CCDC146: variants seen among roughly 807,000 people sequenced by gnomAD.
CCDC146 encodes coiled-coil domain-containing protein 146.
A neutral mutation model predicts 119.3 loss-of-function variants in CCDC146; 92 were observed. That is an observed-to-expected ratio of 0.77 (90% CI 0.65 to 0.92). The LOEUF is 0.92. Ranked by LOEUF, CCDC146 falls within the 40% of genes least tolerant of loss-of-function variation. CCDC146 has a pLI of 0.00. For missense variants in CCDC146, 1,000 were observed against 1,103.0 expected (o/e 0.91, Z 1.32); for synonymous variants, 372 against 371.8 (o/e 1.00, Z -0.01).
chr7:77,242,065 A>C (rs1283217822), intron 4 of CCDC146, among the ~76,000 whole-genome samples, 165 bp downstream of exon 4: 2 of 152,250 alleles, frequency 1.3e-5, no homozygotes, highest in Admixed American at 1.3e-4. Flanking sequence ...TTCCCTGAAC[A>C]AGAAAGTTAC....
At chr7:77,257,650 C>T (rs1793206233) in intron 6 of CCDC146, among the ~76,000 whole-genome samples, 5 of 152,214 alleles carry the variant, frequency 3.3e-5, no homozygotes, top group Admixed American at 3.3e-4. Flanking sequence ...ATTTGATCTG[C>T]CCCAGGACTG....
At chr7:77,161,454 G>T (rs9801498) in intron 1 of CCDC146, among the ~76,000 whole-genome samples, 19,031 of 151,836 alleles carry the variant, frequency 0.13, 1,777 homozygotes, top group Non-Finnish European at 0.18. Context: ...ATACTATGCA[G>T]CCATAAAAAA....
intron 1 of CCDC146, among the ~76,000 whole-genome samples, chr7:77,166,831 T>C (rs1230782654): frequency 6.6e-6 from 1 of 152,210 alleles, no homozygotes; most frequent in Admixed American, 6.5e-5. Flanking sequence ...TGGGTCACCC[T>C]GCCAATATGA....
At chr7:77,193,844 A>T (rs1791815608) in intron 2 of CCDC146, 2 of 152,588 alleles carry the variant, frequency 1.3e-5, no homozygotes, top group Non-Finnish European at 2.9e-5. Flanking sequence ...CAAGATTCTA[A>T]TGTTTGTAAA....
chr7:77,185,729 G>A (rs932196958), intron 2 of CCDC146, among the ~76,000 whole-genome samples: 2 of 152,152 alleles, frequency 1.3e-5, no homozygotes, highest in Non-Finnish European at 2.9e-5. Context: ...AGGAAAACAT[G>A]ACGTCACCAA....
At chr7:77,150,732 A>G (rs140178361) in intron 1 of CCDC146, among the ~76,000 whole-genome samples, 1,668 of 152,332 alleles carry the variant, frequency 0.011, 23 homozygotes, top group African/African-American at 0.038. Flanking sequence ...GAAAACTTGT[A>G]GTCACATGAA....
chr7:77,244,103 C>G (rs898271776), intron 4 of CCDC146, among the ~76,000 whole-genome samples: 16 of 151,918 alleles, frequency 1.1e-4, no homozygotes, highest in Non-Finnish European at 1.6e-4. Context: ...GTCTTGAACT[C>G]CTGTATGTCT....
At chr7:77,183,297 A>G (rs1031446153) in intron 2 of CCDC146, among the ~76,000 whole-genome samples, 12 of 151,762 alleles carry the variant, frequency 7.9e-5, no homozygotes, top group Non-Finnish European at 1.6e-4. Flanking sequence ...AGTTTTTTCC[A>G]CTTTTCCTTC....
rs539756196 is a variant in CCDC146 at position 77,232,102 on chromosome 7, A to G, written c.157-4845A>G. Among the ~76,000 whole-genome samples, 14 of 152,278 alleles carry G rather than the reference A, an allele frequency of 9.2e-5. No homozygotes were observed. The East Asian group carries it at 2.5e-3, about 27-fold the overall frequency. On this transcript the variant is annotated intron_variant, in intron 2 of 18. Transcript: ENST00000285871. ...TAGGCAGCCTCTAATGTCTCTGCTT[A>G]GATAGTTGTTCCTTGTTTTTTTGTT...
At chr7:77,168,359 T>C (rs1791370143) in intron 2 of CCDC146, among the ~76,000 whole-genome samples, 1 of 151,974 alleles carries the variant, frequency 6.6e-6, no homozygotes, top group African/African-American at 2.4e-5. Flanking sequence ...GGAGAGTTTT[T>C]TTTTTTTTAA....
intron 7 of CCDC146, 134 bp downstream of exon 7, chr7:77,259,202 G>C: frequency 1.8e-6 from 1 of 548,590 alleles, no homozygotes; most frequent in Non-Finnish European, 3.2e-6. Context: ...GCCCTGTCTA[G>C]GTTGTTTATA....
At chr7:77,210,493 T>C (rs943203524) in intron 2 of CCDC146, among the ~76,000 whole-genome samples, 3 of 152,242 alleles carry the variant, frequency 2.0e-5, no homozygotes, top group Non-Finnish European at 4.4e-5. Context: ...TCAACAAGTC[T>C]ATAGGAAGTT....
At chr7:77,135,114 G>GT (rs1384281657) in intron 1 of CCDC146, among the ~76,000 whole-genome samples, 1 of 152,098 alleles carries the variant, frequency 6.6e-6, no homozygotes, top group Non-Finnish European at 1.5e-5. Context: ...TAATTATCTT[G>GT]TTTTTCTTAA....
chr7:77,266,671 C>T (rs960018079), intron 9 of CCDC146, among the ~76,000 whole-genome samples: 22 of 151,950 alleles, frequency 1.4e-4, no homozygotes, highest in Admixed American at 1.3e-4. Flanking sequence ...TGATAAACCC[C>T]GGAAATGCCT....
At chr7:77,236,070 T>C (rs1792730616) in intron 2 of CCDC146, among the ~76,000 whole-genome samples, 1 of 151,532 alleles carries the variant, frequency 6.6e-6, no homozygotes, top group South Asian at 2.1e-4. Context: ...GACTCCGTCA[T>C]AAATAAATAA....
chr7:77,282,705 C>T lies in CCDC146; in HGVS notation c.2068C>T (p.Gln690Ter). The T allele has an allele frequency of 6.2e-7, 1 of 1,614,172 alleles. No homozygotes were observed. Among genetic ancestry groups the T allele is most frequent in the Non-Finnish European group, 8.5e-7 (1 of 1,180,016 alleles). ...QFLKMKIAEK[Q>*]RQICVTQKLL... ...CCTGAAAATGAAGATTGCTGAGAAG[C>T]AAAGACAAATTTGTGTGACCCAGAA... Residue 690 changes from glutamine to a stop codon, truncating the protein, a stop_gained, in exon 15 of 19, where the codon CAA (glutamine) becomes TAA (stop). Transcript: ENST00000285871. LOFTEE classifies it high-confidence loss of function.
intron 2 of CCDC146, among the ~76,000 whole-genome samples, chr7:77,202,408 C>T (rs751863170): frequency 9.2e-5 from 14 of 152,198 alleles, no homozygotes; most frequent in East Asian, 1.9e-4. Context: ...CAGAAATGTG[C>T]GTGTCAAGCA....
intron 4 of CCDC146, among the ~76,000 whole-genome samples, chr7:77,246,998 G>A (rs1792962233): frequency 6.6e-6 from 1 of 152,094 alleles, no homozygotes; most frequent in African/African-American, 2.4e-5. Flanking sequence ...TTATTATAAA[G>A]TCTGTTTAGC....
rs1793632204 is a variant in CCDC146 at position 77,276,192 on chromosome 7, C to T, written c.1440+1540C>T. 3.4e-5 allele frequency among the ~76,000 whole-genome samples: 4 copies of T among 117,666 alleles called. No individual in the cohort carries two copies. In the South Asian group the frequency reaches 1.1e-3, roughly 34 times the overall value. 77.2% of individuals were successfully genotyped at this position (117,666 alleles called of 152,430 possible). On this transcript the variant is annotated intron_variant, in intron 11 of 18. Coordinates refer to ENST00000285871, the MANE Select transcript of CCDC146 (RefSeq NM_020879.3). Reference sequence around the variant, plus strand: ...CTGCATTCCAGCCTGGGTGACAGAGCGAGACTTCCTCTCAAAAATAAAAAA... The same window carrying T: ...CTGCATTCCAGCCTGGGTGACAGAGTGAGACTTCCTCTCAAAAATAAAAAA...
Sources: allele counts gnomAD v4.1 joint callset (sites outside exome capture counted in the v4.1 genomes callset), GRCh38; gene constraint gnomAD v4.1.1; transcripts MANE v1.5; gene names NCBI Gene and HGNC (gene_info 2026-07-23, HGNC 2026-07-21).